The following KCNV2 variants were observed in gnomAD, a reference collection of about 807,000 sequenced individuals.
KCNV2 encodes potassium voltage-gated channel modifier subfamily V member 2.
Under a neutral mutation model 37.0 loss-of-function variants are expected in KCNV2, and 65 were observed. The ratio of observed to expected loss-of-function variants is 1.76; its 90% CI spans 1.44 to 2.16. The LOEUF (loss-of-function observed/expected upper bound fraction) is 2.16, where lower values mean the gene tolerates loss of function less well. Ranked by LOEUF, KCNV2 falls within the 30% of genes most tolerant of loss-of-function variation. KCNV2 has a pLI of 0.00. For missense variants in KCNV2, 1,232 were observed against 766.7 expected, an observed-to-expected ratio of 1.61 and a Z score of -7.17; for synonymous variants, 518 against 328.6, an observed-to-expected ratio of 1.58 and a Z score of -6.23.
In KCNV2 at chr9:2,717,722, C is replaced by A. The variant is rs543439534; in HGVS notation, c.-18C>A. On this transcript the variant is annotated 5_prime_UTR_variant, in exon 1 of 2. Coordinates refer to ENST00000382082, the MANE Select transcript of KCNV2 (RefSeq NM_133497.4). ...CCACAGCCAGGAGGAAAAAGCTAGG[C>A]GTCCACTTTCCGCAGCCATGCTCAA... 1.1e-5 allele frequency: 18 copies of A among 1,614,028 alleles called. No homozygotes were observed. Among genetic ancestry groups the A allele is most frequent in the Admixed American group, 3.3e-5 (2 of 60,008 alleles).
Position 2,718,368 on chromosome 9 carries a change from T to G in KCNV2, c.629T>G (p.Leu210Arg). The G allele has an allele frequency of 3.1e-6, 5 of 1,599,664 alleles. No homozygotes were observed. The highest frequency in any genetic ancestry group is 4.3e-6 in the Non-Finnish European group (5 of 1,174,658). ...TGCTTCGAGGAGCGGCGCGACGAGC[T>G]GAGCGAACGGCTCAAGATCCAGCAC... ...RICFEERRDE[L>R]SERLKIQHEL... The change falls in exon 1 of 2, where the codon CTG becomes CGG. Residue 210 changes from leucine (L) to arginine (R), a missense_variant. Physicochemically the swap from Leu to Arg is moderately radical, Grantham distance 102. Coordinates refer to ENST00000382082, the MANE Select transcript of KCNV2 (RefSeq NM_133497.4).
At position 2,718,295 on chromosome 9, in the gene KCNV2, G is replaced by C. The variant is rs778432513; in HGVS notation, c.556G>C (p.Gly186Arg). ...TCCGCGCCGCTTCCTGGAGGAGCTG[G>C]GCTACTGGGGCGTGCGGCTCAAGTA... ...LCPRRFLEEL[G>R]YWGVRLKYTP... Residue 186 changes from glycine to arginine, a missense_variant, in exon 1 of 2, where the codon GGC (glycine) becomes CGC (arginine). Gly to Arg is a moderately radical substitution (Grantham distance 125). Transcript: ENST00000382082. 1 of 1,610,412 alleles carries C rather than the reference G, an allele frequency of 6.2e-7. No homozygotes were observed. Among genetic ancestry groups the C allele is most frequent in the Non-Finnish European group, 8.5e-7 (1 of 1,179,562 alleles).
rs1194936225 is a variant in KCNV2, at chr9:2,717,762, G to A, written c.23G>A (p.Arg8Lys). ...GCCATGCTCAAACAGAGTGAGAGGA[G>A]ACGGTCCTGGAGCTACAGGCCCTGG... MLKQSER[R>K]RSWSYRPWNT... The change falls in exon 1 of 2, where the codon AGA (arginine) becomes AAA (lysine). Residue 8 changes from arginine (R) to lysine (K), a missense_variant. Physicochemically the swap from Arg to Lys is conservative, Grantham distance 26 (BLOSUM62 2). Coordinates refer to ENST00000382082, the MANE Select transcript of KCNV2 (RefSeq NM_133497.4). 4 of 1,614,234 alleles carry A rather than the reference G, an allele frequency of 2.5e-6. No individual in the cohort carries two copies. The highest frequency in any genetic ancestry group is 1.1e-5 in the South Asian group (1 of 91,088).
chr9:2,719,194 C>T, intron 1 of KCNV2, 99 bp downstream of exon 1: 1 of 1,327,424 alleles, frequency 7.5e-7, no homozygotes, highest in Non-Finnish European at 1.0e-6. Context: ...GGCTTCTGAT[C>T]CTCGTCTTCC....
At position 2,718,272 on chromosome 9, in the gene KCNV2, C is replaced by G; in HGVS notation, c.533C>G (p.Pro178Arg). The G allele has an allele frequency of 6.2e-7, 1 of 1,612,186 alleles. No individual in the cohort carries two copies. Among genetic ancestry groups the G allele is most frequent in the Non-Finnish European group, 8.5e-7 (1 of 1,179,866 alleles). Residue 178 changes from proline to arginine, a missense_variant, in exon 1 of 2, where the codon CCG (proline) becomes CGG (arginine). By Grantham distance (103) the Pro-to-Arg change is moderately radical (BLOSUM62 -2). Transcript: ENST00000382082. ...CTGCTGGTGCTCGACGGGCTGTGTCCGCGCCGCTTCCTGGAGGAGCTGGGC... is the reference window on the plus strand; with the variant it reads ...CTGCTGGTGCTCGACGGGCTGTGTCGGCGCCGCTTCCTGGAGGAGCTGGGC... ...GVLLVLDGLC[P>R]RRFLEELGYW...
At chr9:2,723,549 G>GT (rs1819916960) in intron 1 of KCNV2, among the ~76,000 whole-genome samples, 1 of 151,634 alleles carries the variant, frequency 6.6e-6, no homozygotes, top group Non-Finnish European at 1.5e-5. Context: ...TCTGTCAAAT[G>GT]GAGGTTATTT....
chr9:2,722,007 A>G (rs899045648), intron 1 of KCNV2, among the ~76,000 whole-genome samples: 12 of 143,000 alleles, frequency 8.4e-5, no homozygotes, highest in African/African-American at 3.1e-4. Flanking sequence ...CCCATGATAA[A>G]TGTGTATTTA....
intron 1 of KCNV2, among the ~76,000 whole-genome samples, chr9:2,727,288 G>A (rs1286503894): frequency 6.7e-6 from 1 of 149,254 alleles, no homozygotes; most frequent in African/African-American, 2.5e-5. Flanking sequence ...CTGTTGTGGG[G>A]TGGGGGAGGG....
intron 1 of KCNV2, among the ~76,000 whole-genome samples, chr9:2,719,521 CTG>C (rs1361725711): frequency 2.0e-5 from 3 of 151,742 alleles, no homozygotes; most frequent in African/African-American, 7.3e-5. Flanking sequence ...TTGAAAGAAA[CTG>C]TAGATTTATA....
At chr9:2,726,871 A>G (rs892604111) in intron 1 of KCNV2, among the ~76,000 whole-genome samples, 4 of 152,094 alleles carry the variant, frequency 2.6e-5, no homozygotes, top group African/African-American at 7.2e-5. Flanking sequence ...TTAACTGCGC[A>G]TGGGAGGGAT....
rs1004868073 is a variant in KCNV2, at chr9:2,718,669, G to A, written c.930G>A (p.Met310Ile). Residue 310 changes from methionine (M) to isoleucine (I), a missense_variant, in exon 1 of 2, where the codon ATG (methionine) becomes ATA (isoleucine). Met to Ile is a conservative substitution (Grantham distance 10). Coordinates refer to ENST00000382082, the MANE Select transcript of KCNV2 (RefSeq NM_133497.4). The stretch of plus-strand genomic sequence containing the variant: ...TGGAGCACGTGGAGATGCTGTGCAT[G>A]GGCTTCTTCACGCTCGAGTACCTGC... ...PILEHVEMLC[M>I]GFFTLEYLLR... 3 of 1,613,382 alleles carry A rather than the reference G, an allele frequency of 1.9e-6. No individual in the cohort carries two copies. Among genetic ancestry groups the A allele is most frequent in the Non-Finnish European group, 1.7e-6 (2 of 1,179,838 alleles).
chr9:2,718,466 C>A lies in KCNV2; in HGVS notation c.727C>A (p.Arg243=), dbSNP rs143138491. 4.8e-5 allele frequency: 78 copies of A among 1,608,322 alleles called. No homozygotes were observed. In the African/African-American group the frequency reaches 9.2e-4, roughly 19 times the overall value. The change falls in exon 1 of 2, where the codon CGG becomes AGG. Residue 243 remains arginine, a synonymous_variant. Transcript: ENST00000382082. ...FRDMRFYGPQ[R]RRLWNLMEKP... ...CGACATGCGCTTCTACGGCCCGCAG[C>A]GGCGCCGCCTCTGGAACCTCATGGA...
chr9:2,728,909 A>G (rs145178361), intron 1 of KCNV2, among the ~76,000 whole-genome samples: 7 of 151,270 alleles, frequency 4.6e-5, no homozygotes, highest in African/African-American at 1.7e-4. Flanking sequence ...AAAAAAGAAA[A>G]AGAGAGAGAG....
intron 1 of KCNV2, among the ~76,000 whole-genome samples, chr9:2,728,456 G>C (rs1301929398): frequency 6.6e-6 from 1 of 152,186 alleles, no homozygotes. Context: ...AATTTTCACA[G>C]GGTTTTCTCT....
intron 1 of KCNV2, among the ~76,000 whole-genome samples, chr9:2,728,909 A>AAGAGAGAGAG (rs370059688): frequency 1.3e-5 from 2 of 151,270 alleles, no homozygotes; most frequent in African/African-American, 4.9e-5. Flanking sequence ...AAAAAAGAAA[A>AAGAGAGAGAG]AGAGAGAGAG....
rs375426599 is a variant in KCNV2 at position 2,718,433 on chromosome 9, C to A, written c.694C>A (p.Leu232Ile). 20 of 1,606,488 alleles carry A rather than the reference C, an allele frequency of 1.2e-5. No individual in the cohort carries two copies. In the African/African-American group the frequency reaches 2.5e-4, roughly 20 times the overall value. ...AQAQVEEAEE[L>I]FRDMRFYGPQ... Reference sequence around the variant, plus strand: ...GGCGCAGGTCGAGGAGGCGGAGGAACTCTTCCGCGACATGCGCTTCTACGG... The same window carrying A: ...GGCGCAGGTCGAGGAGGCGGAGGAAATCTTCCGCGACATGCGCTTCTACGG... Residue 232 changes from leucine to isoleucine, a missense_variant, in exon 1 of 2, where the codon CTC (leucine) becomes ATC (isoleucine). Physicochemically the swap from Leu to Ile is conservative, Grantham distance 5 (BLOSUM62 2). Coordinates refer to ENST00000382082, the MANE Select transcript of KCNV2 (RefSeq NM_133497.4).
At chr9:2,726,886 G>C (rs1819976752) in intron 1 of KCNV2, among the ~76,000 whole-genome samples, 1 of 152,114 alleles carries the variant, frequency 6.6e-6, no homozygotes, top group African/African-American at 2.4e-5. Flanking sequence ...AGGGATCTAG[G>C]TTGCTTGCTC....
At chr9:2,726,993 G>A (rs180969181) in intron 1 of KCNV2, among the ~76,000 whole-genome samples, 20 of 152,192 alleles carry the variant, frequency 1.3e-4, no homozygotes, top group Admixed American at 7.9e-4. Flanking sequence ...AAAAATGGTC[G>A]TCCACAAAAC....
At chr9:2,724,248 C>G (rs7863245) in intron 1 of KCNV2, among the ~76,000 whole-genome samples, 7,827 of 152,160 alleles carry the variant, frequency 0.051, 703 homozygotes, top group African/African-American at 0.18. Context: ...TCCCATCTTT[C>G]TTTCCCTAAG....
Sources: gnomAD v4.1 joint callset for allele counts (sites outside exome capture counted in the v4.1 genomes callset) on GRCh38, gnomAD v4.1.1 for gene constraint, MANE v1.5 for transcripts, NCBI Gene and HGNC (gene_info 2026-07-23, HGNC 2026-07-21) for gene names.